Variants in ANKS1B observed in about 807,000 individuals in gnomAD.
ANKS1B encodes ankyrin repeat and sterile alpha motif domain containing 1B.
In ANKS1B, 36 loss-of-function variants were observed where a neutral mutation model predicts 148.3. That is an observed-to-expected ratio of 0.24 (90% confidence interval 0.19 to 0.32). The LOEUF (loss-of-function observed/expected upper bound fraction) is 0.32, where lower values mean the gene tolerates loss of function less well. ANKS1B is among the 10% of genes least tolerant of loss of function. The probability of loss-of-function intolerance (pLI) is 1.00; values close to 1 mark genes in which losing one functional copy is unlikely to be tolerated. For synonymous variants in ANKS1B, 542 were observed against 560.8 expected (o/e 0.97, Z 0.47); for missense variants, 1,157 against 1,542.6 (o/e 0.75, Z 4.19).
At chr12:98,819,644 T>A (rs1021093101) in intron 19 of ANKS1B, among the ~76,000 whole-genome samples, 3 of 152,168 alleles carry the variant, frequency 2.0e-5, no homozygotes, top group African/African-American at 7.2e-5. Context: ...CTTGTGGCTG[T>A]CTGTAAGGAT....
At chr12:99,139,486 C>T (rs1469888879) in intron 15 of ANKS1B, among the ~76,000 whole-genome samples, 1 of 121,364 alleles carries the variant, frequency 8.2e-6, no homozygotes, top group African/African-American at 3.3e-5. Context: ...CTGTGTTGCT[C>T]AGACTGGTCT....
intron 12 of ANKS1B, among the ~76,000 whole-genome samples, chr12:99,364,410 A>G (rs1432965586): frequency 6.6e-6 from 1 of 152,164 alleles, no homozygotes; most frequent in African/African-American, 2.4e-5. Context: ...TCCCATGCCT[A>G]ACTACTTCCG....
At chr12:98,895,020 C>A in intron 17 of ANKS1B, 14 of 845,342 alleles carry the variant, frequency 1.7e-5, no homozygotes, top group East Asian at 1.2e-4. Flanking sequence ...CGTCCTCCCC[C>A]GAACGCCGTC....
At chr12:99,520,273 C>T (rs1375556760) in intron 9 of ANKS1B, among the ~76,000 whole-genome samples, 1 of 152,132 alleles carries the variant, frequency 6.6e-6, no homozygotes, top group Non-Finnish European at 1.5e-5. Flanking sequence ...TTGATGAAAT[C>T]CCTTAGCTTT....
intron 14 of ANKS1B, among the ~76,000 whole-genome samples, chr12:99,157,819 A>G (rs527921288): frequency 6.6e-6 from 1 of 152,300 alleles, no homozygotes; most frequent in East Asian, 1.9e-4. Flanking sequence ...AATAAATAAA[A>G]TTATATATTA....
At position 99,401,000 on chromosome 12, in the gene ANKS1B, A is replaced by T. The variant is rs186255170; in HGVS notation, c.1576-1189T>A. Among the ~76,000 whole-genome samples the T allele has an allele frequency of 2.6e-3, 378 of 145,812 alleles. 38 individuals carry two copies. The highest frequency in any genetic ancestry group is 8.2e-3 in the South Asian group (39 of 4,780). On this transcript the variant is annotated intron_variant, in intron 11 of 26. Coordinates refer to ENST00000683438, the MANE Select transcript of ANKS1B (RefSeq NM_001352186.2). ...CTGCACAGTATAGGGTTTTTAAAAA[A>T]ATATATAAGGTGTGTAAATTATCAC...
intron 8 of ANKS1B, among the ~76,000 whole-genome samples, chr12:99,723,661 G>A (rs60952561): frequency 0.011 from 1,748 of 152,250 alleles, 29 homozygotes; most frequent in African/African-American, 0.04. Flanking sequence ...TTCATTAAAC[G>A]GGTCCTGCTC....
At chr12:99,774,077 A>G (rs2063437260) in intron 7 of ANKS1B, among the ~76,000 whole-genome samples, 1 of 152,122 alleles carries the variant, frequency 6.6e-6, no homozygotes, top group Admixed American at 6.5e-5. Context: ...AAAAAACTTG[A>G]TATTTGTTTG....
intron 12 of ANKS1B, among the ~76,000 whole-genome samples, chr12:99,309,163 G>C (rs544446848): frequency 6.6e-6 from 1 of 151,686 alleles, no homozygotes; most frequent in East Asian, 1.9e-4. Flanking sequence ...ATTATGCCTT[G>C]TATTTCTTTT....
Position 99,500,023 on chromosome 12 carries a change from T to C in ANKS1B, c.1438+4453A>G, listed in dbSNP as rs367825827. On this transcript the variant is annotated intron_variant, in intron 10 of 26. Transcript: ENST00000683438. ...GGATTTGTGGAAGCCTTAAAAGCTA[T>C]AAGAAAGGTGTTGATGAAAGCTTAA... 4.0e-5 allele frequency among the ~76,000 whole-genome samples: 6 copies of C among 151,894 alleles called. No individual in the cohort carries two copies. The East Asian group carries it at 1.2e-3, about 30-fold the overall frequency.
At chr12:99,757,456 T>C (rs1312239273) in intron 8 of ANKS1B, among the ~76,000 whole-genome samples, 2 of 151,864 alleles carry the variant, frequency 1.3e-5, no homozygotes, top group African/African-American at 4.8e-5. Flanking sequence ...GGCAAGGTTA[T>C]GGAAAAAAAA....
chr12:99,239,461 C>G (rs2088779063), intron 14 of ANKS1B, among the ~76,000 whole-genome samples: 1 of 152,112 alleles, frequency 6.6e-6, no homozygotes, highest in Non-Finnish European at 1.5e-5. Context: ...CAGAAAGTGA[C>G]AGGGAGAATG....
At chr12:99,113,041 A>G (rs2060624830) in intron 15 of ANKS1B, among the ~76,000 whole-genome samples, 1 of 152,232 alleles carries the variant, frequency 6.6e-6, no homozygotes, top group African/African-American at 2.4e-5. Flanking sequence ...TATGCATTAT[A>G]TTATTTCCCA....
At chr12:99,937,228 A>T (rs973414491) in intron 1 of ANKS1B, among the ~76,000 whole-genome samples, 2 of 152,066 alleles carry the variant, frequency 1.3e-5, no homozygotes, top group Middle Eastern at 3.2e-3. Flanking sequence ...ACAGCAGGAG[A>T]GCCCTTCTTC....
chr12:98,767,555 C>T (rs2098501551), intron 25 of ANKS1B, among the ~76,000 whole-genome samples: 1 of 152,204 alleles, frequency 6.6e-6, no homozygotes, highest in Non-Finnish European at 1.5e-5. Context: ...TTAAAAATAT[C>T]AAAGACTGCA....
At chr12:99,122,498 T>C (rs1039770576) in intron 15 of ANKS1B, among the ~76,000 whole-genome samples, 20 of 152,348 alleles carry the variant, frequency 1.3e-4, no homozygotes, top group African/African-American at 3.8e-4. Context: ...TGCAGAGATG[T>C]AGGTGTTTCG....
chr12:99,807,574 G>T (rs539431786), intron 3 of ANKS1B, among the ~76,000 whole-genome samples: 1 of 152,238 alleles, frequency 6.6e-6, no homozygotes, highest in African/African-American at 2.4e-5. Context: ...GTTCTGGAAA[G>T]AAAGAGCAGC....
intron 12 of ANKS1B, among the ~76,000 whole-genome samples, chr12:99,259,773 C>A (rs1005511651): frequency 6.8e-6 from 1 of 146,662 alleles, no homozygotes; most frequent in Non-Finnish European, 1.6e-5. Context: ...CCTTCCCACA[C>A]GTCTTTCCTC....
intron 17 of ANKS1B, among the ~76,000 whole-genome samples, chr12:99,023,700 C>T (rs931151634): frequency 6.6e-6 from 1 of 151,694 alleles, no homozygotes; most frequent in African/African-American, 2.4e-5. Flanking sequence ...TTAATATTCT[C>T]TATGTGGAAT....
Sources: allele counts gnomAD v4.1 joint callset (sites outside exome capture counted in the v4.1 genomes callset), GRCh38; gene constraint gnomAD v4.1.1; transcripts MANE v1.5; gene names NCBI Gene and HGNC (gene_info 2026-07-23, HGNC 2026-07-21).